Variants in ROBO1 observed in about 807,000 individuals in gnomAD.
The protein encoded by ROBO1 is roundabout guidance receptor 1.
In ROBO1, 149 loss-of-function variants were observed where a neutral mutation model predicts 195.9. The ratio of observed to expected loss-of-function variants is 0.76; its 90% CI spans 0.67 to 0.87. ROBO1 has a LOEUF of 0.87. ROBO1 is among the 40% of genes least tolerant of loss of function. The probability of loss-of-function intolerance (pLI) is 0.00; values close to 1 mark genes in which losing one functional copy is unlikely to be tolerated. For synonymous variants in ROBO1, 816 were observed against 733.2 expected (o/e 1.11, Z -1.82); for missense variants, 1,933 against 2,068.3 (o/e 0.93, Z 1.27).
intron 22 of ROBO1, among the ~76,000 whole-genome samples, chr3:78,636,506 T>G (rs1705510889): frequency 1.3e-5 from 2 of 152,078 alleles, no homozygotes; most frequent in Non-Finnish European, 2.9e-5. Context: ...ACTGGTTAGC[T>G]GCTGAAGCAA....
chr3:79,520,878 G>A (rs1323727311), intron 2 of ROBO1, among the ~76,000 whole-genome samples: 4 of 151,676 alleles, frequency 2.6e-5, no homozygotes, highest in Non-Finnish European at 4.4e-5. Flanking sequence ...AAAATACTTT[G>A]AGTGAGAGAT....
At chr3:78,648,253 T>C (rs1706426037) in intron 19 of ROBO1, among the ~76,000 whole-genome samples, 1 of 152,092 alleles carries the variant, frequency 6.6e-6, no homozygotes, top group Non-Finnish European at 1.5e-5. Flanking sequence ...AATTTAACTA[T>C]TTCACTGAGT....
chr3:79,482,966 G>A (rs994047386), intron 2 of ROBO1, among the ~76,000 whole-genome samples: 4 of 152,208 alleles, frequency 2.6e-5, no homozygotes, highest in African/African-American at 9.6e-5. Flanking sequence ...CAACATGGCC[G>A]AGTCAAACTC....
At chr3:79,475,584 G>C (rs1383636827) in intron 2 of ROBO1, among the ~76,000 whole-genome samples, 1 of 151,958 alleles carries the variant, frequency 6.6e-6, no homozygotes, top group Non-Finnish European at 1.5e-5. Flanking sequence ...ACTTGGAGGA[G>C]AGTATTTTGG....
rs148332720 is a variant in ROBO1 at position 78,756,287 on chromosome 3, G to A, written c.500-9387C>T. On this transcript the variant is annotated intron_variant, in intron 4 of 30. Coordinates refer to ENST00000464233, the MANE Select transcript of ROBO1 (RefSeq NM_002941.4). ...AAAACGTGGGTCATTTCCAAGGACT[G>A]CCATAAATTAAGCTCAATAACATAT... 8.1e-4 allele frequency among the ~76,000 whole-genome samples: 123 copies of A among 152,178 alleles called. 1 individual carries two copies. Among genetic ancestry groups the A allele is most frequent in the Non-Finnish European group, 1.1e-3 (76 of 67,992 alleles).
intron 2 of ROBO1, among the ~76,000 whole-genome samples, chr3:79,434,359 C>T (rs1234122417): frequency 6.6e-6 from 1 of 152,116 alleles, no homozygotes; most frequent in Admixed American, 6.6e-5. Flanking sequence ...AGAACTCAAA[C>T]AAATTCACAA....
chr3:79,153,261 C>A (rs1208954937), intron 2 of ROBO1, among the ~76,000 whole-genome samples: 1 of 151,734 alleles, frequency 6.6e-6, no homozygotes, highest in African/African-American at 2.4e-5. Context: ...AGTCGCTTAA[C>A]CCTATCTTTA....
intron 2 of ROBO1, among the ~76,000 whole-genome samples, chr3:79,295,362 C>T (rs903114466): frequency 6.6e-6 from 1 of 152,110 alleles, no homozygotes; most frequent in African/African-American, 2.4e-5. Context: ...TAAAACCAAA[C>T]ACTGCATGTT....
chr3:78,643,079 G>A (rs1559686399), intron 21 of ROBO1, among the ~76,000 whole-genome samples: 1 of 151,892 alleles, frequency 6.6e-6, no homozygotes, highest in South Asian at 2.1e-4. Flanking sequence ...AATAAACCAC[G>A]TAATCTGCAT....
At chr3:79,626,384 C>A (rs956865949) in intron 1 of ROBO1, among the ~76,000 whole-genome samples, 1 of 152,102 alleles carries the variant, frequency 6.6e-6, no homozygotes, top group African/African-American at 2.4e-5. Context: ...TTGCAGTGAG[C>A]CACGATCGTG....
intron 2 of ROBO1, among the ~76,000 whole-genome samples, chr3:79,169,830 TA>T (rs2108689485): frequency 6.6e-6 from 1 of 152,192 alleles, no homozygotes; most frequent in East Asian, 1.9e-4. Context: ...AAAAGCATAA[TA>T]AAAGGAATGC....
chr3:79,627,027 T>C (rs995581600), intron 1 of ROBO1, among the ~76,000 whole-genome samples: 3 of 152,122 alleles, frequency 2.0e-5, no homozygotes, highest in Non-Finnish European at 4.4e-5. Context: ...AAACATTCCA[T>C]CCTCATGGAT....
intron 29 of ROBO1, among the ~76,000 whole-genome samples, chr3:78,601,586 T>C (rs1420711441): frequency 6.6e-6 from 1 of 152,226 alleles, no homozygotes; most frequent in Non-Finnish European, 1.5e-5. Flanking sequence ...AACTACAATA[T>C]GATAAAATCT....
intron 4 of ROBO1, among the ~76,000 whole-genome samples, chr3:78,782,906 T>C (rs1213334343): frequency 1.3e-5 from 2 of 152,148 alleles, no homozygotes; most frequent in Non-Finnish European, 2.9e-5. Flanking sequence ...AAAAGAGTGG[T>C]TTAACGTATG....
intron 8 of ROBO1, among the ~76,000 whole-genome samples, chr3:78,693,528 T>C (rs560192916): frequency 3.5e-4 from 53 of 152,266 alleles, no homozygotes; most frequent in African/African-American, 1.3e-3. Context: ...TTGTTAGCAT[T>C]TTAGGTATAA....
At chr3:78,682,372 G>A (rs1285026006) in intron 10 of ROBO1, among the ~76,000 whole-genome samples, 1 of 150,506 alleles carries the variant, frequency 6.6e-6, no homozygotes, top group Non-Finnish European at 1.5e-5. Context: ...GTACATTTAT[G>A]TCATGTAAAA....
chr3:78,918,180 T>C (rs975800272), intron 4 of ROBO1, among the ~76,000 whole-genome samples: 1 of 152,188 alleles, frequency 6.6e-6, no homozygotes, highest in East Asian at 1.9e-4. Flanking sequence ...TGGTAAACCA[T>C]TTATGGAAAA....
intron 3 of ROBO1, among the ~76,000 whole-genome samples, chr3:79,089,380 T>C (rs566586210): frequency 4.7e-4 from 72 of 152,278 alleles, no homozygotes; most frequent in African/African-American, 1.7e-3. Flanking sequence ...ATAAACGTCA[T>C]CATTTTTAAT....
chr3:79,313,918 A>C (rs1031148418), intron 2 of ROBO1, among the ~76,000 whole-genome samples: 7 of 152,224 alleles, frequency 4.6e-5, no homozygotes, highest in African/African-American at 1.7e-4. Context: ...CAAGCAATAA[A>C]GATAAATGAA....
Sources: gnomAD v4.1 joint callset for allele counts (sites outside exome capture counted in the v4.1 genomes callset) on GRCh38, gnomAD v4.1.1 for gene constraint, MANE v1.5 for transcripts, NCBI Gene and HGNC (gene_info 2026-07-23, HGNC 2026-07-21) for gene names.